CYLC2: variants seen among roughly 807,000 people sequenced by gnomAD.
CYLC2 encodes the protein cylicin 2.
CYLC2 carries 30 observed loss-of-function variants against 26.1 expected under a neutral mutation model. The observed-to-expected ratio is 1.15, with a 90% CI of 0.86 to 1.56. CYLC2 has a LOEUF of 1.56. CYLC2 is among the 40% of genes most tolerant of loss of function. The pLI is 0.00. For missense variants in CYLC2, 498 were observed against 394.4 expected (o/e 1.26, Z -2.23); for synonymous variants, 158 against 132.8 (o/e 1.19, Z -1.31).
intron 6 of CYLC2, among the ~76,000 whole-genome samples, chr9:103,015,281 T>G (rs1454866236): frequency 1.7e-5 from 2 of 120,588 alleles, no homozygotes. Context: ...ATTTATATAT[T>G]ATATAATATA....
chr9:103,015,403 AT>A (rs1267576399), intron 6 of CYLC2, among the ~76,000 whole-genome samples: 9 of 132,450 alleles, frequency 6.8e-5, no homozygotes, highest in African/African-American at 2.5e-4. Flanking sequence ...ATATATGCTT[AT>A]TATATATTAT....
At chr9:103,015,448 T>C (rs1434877195) in intron 6 of CYLC2, among the ~76,000 whole-genome samples, 2 of 137,728 alleles carry the variant, frequency 1.5e-5, no homozygotes, top group East Asian at 2.0e-4. Flanking sequence ...ATCATTAATA[T>C]ATATATTATA....
intron 3 of CYLC2, among the ~76,000 whole-genome samples, chr9:103,004,454 G>T (rs892823018): frequency 6.6e-6 from 1 of 151,956 alleles, no homozygotes; most frequent in Non-Finnish European, 1.5e-5. Flanking sequence ...CTAAAATCCC[G>T]AGGGAGCTAT....
intron 1 of CYLC2, among the ~76,000 whole-genome samples, chr9:102,997,329 T>C (rs1564095786): frequency 6.6e-6 from 1 of 151,936 alleles, no homozygotes; most frequent in Non-Finnish European, 1.5e-5. Flanking sequence ...TAGACAATTG[T>C]GACAAGGAAA....
chr9:103,016,673 G>A (rs566274500), intron 6 of CYLC2, among the ~76,000 whole-genome samples: 1 of 151,836 alleles, frequency 6.6e-6, no homozygotes, highest in African/African-American at 2.4e-5. Context: ...AGACAAGAAA[G>A]GAAAATTAAA....
intron 5 of CYLC2, chr9:103,010,808 A>C (rs1021422536): frequency 1.3e-4 from 20 of 152,094 alleles, no homozygotes; most frequent in Non-Finnish European, 2.4e-4. Flanking sequence ...TCTGCTCAGT[A>C]AGTATTGCAC....
chr9:103,013,780 T>G (rs1316291564), intron 6 of CYLC2, among the ~76,000 whole-genome samples: 1 of 102,064 alleles, frequency 9.8e-6, no homozygotes, highest in East Asian at 2.9e-4. Flanking sequence ...TATTATATAT[T>G]ATATGATTAT....
intron 5 of CYLC2, among the ~76,000 whole-genome samples, chr9:103,007,480 T>C (rs1217479674): frequency 6.6e-6 from 1 of 152,136 alleles, no homozygotes; most frequent in African/African-American, 2.4e-5. Flanking sequence ...TAACAGAGTG[T>C]AACAGAGTAA....
Position 103,004,769 on chromosome 9 carries a change from TGA to T in CYLC2, c.260_261del (p.Arg87ThrfsTer23). The T allele has an allele frequency of 6.2e-7, 1 of 1,612,456 alleles. No homozygotes were observed. The highest frequency in any genetic ancestry group is 1.1e-5 in the South Asian group (1 of 90,804). ...WMYRSLMRISERPSVYLAARR... is the reference protein window; with the variant it reads ...WMYRSLMRISXRPSVYLAARR... ...TGTACCGTTCTTTAATGAGAATTTC[TGA>T]GAGACCATCTGTTTATTTAGCTGCC... is the stretch of plus-strand genomic sequence containing the variant. On this transcript the variant is annotated frameshift_variant, in exon 4 of 8. Transcript: ENST00000374798. LOFTEE classifies it high-confidence loss of function.
In CYLC2 at chr9:103,005,107, A is replaced by C. The variant is rs370512487; in HGVS notation, c.476A>C (p.Lys159Thr). The C allele has an allele frequency of 1.9e-6, 3 of 1,606,920 alleles. No homozygotes were observed. Among genetic ancestry groups the C allele is most frequent in the African/African-American group, 1.3e-5 (1 of 74,154 alleles). Reference protein sequence around the residue: ...KGKEEKLDAKKDSKKGKKDAE... With the variant: ...KGKEEKLDAKTDSKKGKKDAE... Reference sequence around the variant, plus strand: ...AAAGAAGAAAAGCTAGATGCAAAGAAAGATAGCAAAAAAGGTAAAAAGGAT... The same window carrying C: ...AAAGAAGAAAAGCTAGATGCAAAGACAGATAGCAAAAAAGGTAAAAAGGAT... Residue 159 changes from lysine (K) to threonine (T), a missense_variant, in exon 5 of 8, where the codon AAA (lysine) becomes ACA (threonine). Coordinates refer to ENST00000374798, the MANE Select transcript of CYLC2 (RefSeq NM_001340.5).
chr9:103,015,118 T>C (rs1221529419), intron 6 of CYLC2, among the ~76,000 whole-genome samples: 2 of 66,056 alleles, frequency 3.0e-5, no homozygotes, highest in African/African-American at 1.1e-4. Context: ...ACATAACATG[T>C]ATATCACGTG....
chr9:102,996,095 C>A (rs10115583), intron 1 of CYLC2, among the ~76,000 whole-genome samples: 10,257 of 151,434 alleles, frequency 0.068, 384 homozygotes, highest in South Asian at 0.12. Context: ...TATGGGTGGG[C>A]CTTAATTTAG....
Position 103,001,103 on chromosome 9 carries a change from G to A in CYLC2, c.18-475G>A, listed in dbSNP as rs1829284060. 1.3e-5 allele frequency among the ~76,000 whole-genome samples: 2 copies of A among 151,802 alleles called. 1 individual carries two copies. The highest frequency in any genetic ancestry group is 1.3e-4 in the Admixed American group (2 of 15,244). ...ATAGGCCATTTAATAATTTGGATTT[G>A]GTGGAGTTTTTTGAGACTATTTTGA... On this transcript the variant is annotated intron_variant, in intron 1 of 7. Transcript: ENST00000374798.
Position 102,995,403 on chromosome 9 carries a change from T to G in CYLC2, c.17+6T>G. On this transcript the variant is annotated splice_donor_region_variant and intron_variant, in intron 1 of 7. Coordinates refer to ENST00000374798, the MANE Select transcript of CYLC2 (RefSeq NM_001340.5). The stretch of plus-strand genomic sequence containing the variant: ...AAAATGTCTCTCCCAAGATTGTAAG[T>G]CAAATTTTATGTTTTAAAATAACTG... The G allele has an allele frequency of 3.1e-6, 5 of 1,598,514 alleles. No homozygotes were observed. Among genetic ancestry groups the G allele is most frequent in the Non-Finnish European group, 4.3e-6 (5 of 1,166,510 alleles).
chr9:103,009,223 G>GACAC (rs1829381238), intron 5 of CYLC2, among the ~76,000 whole-genome samples: 1 of 151,782 alleles, frequency 6.6e-6, no homozygotes, highest in Admixed American at 6.6e-5. Flanking sequence ...TTTATTTTTT[G>GACAC]ACACAGTGTC....
Position 103,011,942 on chromosome 9 carries a change from A to G in CYLC2, c.*701-40A>G, listed in dbSNP as rs191482009. The G allele has an allele frequency of 4.0e-3, 512 of 127,344 alleles. 8 individuals are homozygous for G. The highest frequency in any genetic ancestry group is 0.015 in the African/African-American group (487 of 32,922). 7.9% of individuals were successfully genotyped at this position (127,344 alleles called of 1,614,324 possible). ...GTAATAACTTGCTAATACTTAGATC[A>G]TTCTCTTTTTTTTTTTTTTTTTTTT... On this transcript the variant is annotated intron_variant, in intron 5 of 7. Coordinates refer to ENST00000374798, the MANE Select transcript of CYLC2 (RefSeq NM_001340.5).
At chr9:103,012,317 C>A (rs1410342382) in intron 6 of CYLC2, among the ~76,000 whole-genome samples, 1 of 151,926 alleles carries the variant, frequency 6.6e-6, no homozygotes, top group East Asian at 1.9e-4. Context: ...TCCTTTCAGT[C>A]ATTTAGTATT....
chr9:103,015,197 T>C (rs1176869813), intron 6 of CYLC2, among the ~76,000 whole-genome samples: 10 of 49,986 alleles, frequency 2.0e-4, no homozygotes, highest in African/African-American at 7.5e-4. Flanking sequence ...AACATGTATA[T>C]CACGTGATAT....
At chr9:103,011,159 TACGC>T (rs1361167112) in intron 5 of CYLC2, among the ~76,000 whole-genome samples, 1 of 152,104 alleles carries the variant, frequency 6.6e-6, no homozygotes, top group African/African-American at 2.4e-5. Flanking sequence ...TACATGCATA[TACGC>T]ACATACAAAT....
Sources: allele counts gnomAD v4.1 joint callset (sites outside exome capture counted in the v4.1 genomes callset), GRCh38; gene constraint gnomAD v4.1.1; transcripts MANE v1.5; gene names NCBI Gene and HGNC (gene_info 2026-07-23, HGNC 2026-07-21).